Variants in DENND2B observed in about 807,000 individuals in gnomAD.
DENND2B encodes DENN domain containing 2B.
Under a neutral mutation model 116.0 loss-of-function variants are expected in DENND2B, and 32 were observed. The ratio of observed to expected loss-of-function variants is 0.28; its 90% confidence interval spans 0.21 to 0.37. The LOEUF (loss-of-function observed/expected upper bound fraction) is 0.37. DENND2B is among the 10% of genes least tolerant of loss of function. The pLI is 1.00. For synonymous variants in DENND2B, 588 were observed against 583.9 expected, an observed-to-expected ratio of 1.01 and a Z score of -0.10; for missense variants, 1,276 against 1,477.7, an observed-to-expected ratio of 0.86 and a Z score of 2.24.
At chr11:8,735,834 C>T (rs896715562) in intron 2 of DENND2B, among the ~76,000 whole-genome samples, 1 of 152,208 alleles carries the variant, frequency 6.6e-6, no homozygotes, top group Non-Finnish European at 1.5e-5. Context: ...ATGTCTAGAT[C>T]CTCGTGACAA....
intron 1 of DENND2B, chr11:8,757,266 T>TA (rs2053778044): frequency 2.8e-6 from 1 of 360,764 alleles, no homozygotes; most frequent in African/African-American, 2.1e-5. Context: ...AATAGAAGCT[T>TA]AAAAAATGTT....
intron 4 of DENND2B, among the ~76,000 whole-genome samples, chr11:8,837,599 G>C (rs1486468266): frequency 6.6e-6 from 1 of 152,156 alleles, no homozygotes. Context: ...GCCCACCTCA[G>C]CCTCCGAAAG....
chr11:8,896,265 T>C (rs1382132161), intron 1 of DENND2B, among the ~76,000 whole-genome samples: 1 of 151,844 alleles, frequency 6.6e-6, no homozygotes, highest in African/African-American at 2.4e-5. Context: ...ATGGAACAAA[T>C]AAATAAATAT....
At position 8,715,569 on chromosome 11, in the gene DENND2B, CCCGGCTCCAGTGGGCTG is replaced by C. The variant is rs2044598222; in HGVS notation, c.1845+17_1845+33del. 1 of 1,605,676 alleles carries C rather than the reference CCCGGCTCCAGTGGGCTG, an allele frequency of 6.2e-7. No homozygotes were observed. The highest frequency in any genetic ancestry group is 1.7e-5 in the Admixed American group (1 of 59,542). On this transcript the variant is annotated intron_variant, in intron 6 of 19. Coordinates refer to ENST00000313726, the MANE Select transcript of DENND2B (RefSeq NM_213618.2). ...GGCTGGCTGCCTGCCCGCCCACCTG[CCCGGCTCCAGTGGGCTG>C]CCTCTGGGGAGGGTACCTTGGGAAT...
At chr11:8,721,079 C>G (rs535403217) in intron 4 of DENND2B, among the ~76,000 whole-genome samples, 1 of 152,236 alleles carries the variant, frequency 6.6e-6, no homozygotes, top group African/African-American at 2.4e-5. Flanking sequence ...TCAGCAAGCC[C>G]AGCTGGAGAA....
intron 3 of DENND2B, among the ~76,000 whole-genome samples, chr11:8,844,590 T>G (rs1366917949): frequency 1.3e-5 from 2 of 152,046 alleles, no homozygotes; most frequent in Non-Finnish European, 2.9e-5. Context: ...TTTTCAGAAT[T>G]TTATCCTAAT....
chr11:8,880,466 A>G (rs2063893041), intron 2 of DENND2B, among the ~76,000 whole-genome samples: 1 of 152,116 alleles, frequency 6.6e-6, no homozygotes, highest in Non-Finnish European at 1.5e-5. Context: ...AATACTGTGA[A>G]GAAATAAATC....
chr11:8,895,602 A>T (rs1337682131), intron 1 of DENND2B: 1 of 152,186 alleles, frequency 6.6e-6, no homozygotes, highest in African/African-American at 2.4e-5. Context: ...GGAAGAATAG[A>T]CAATTATTGT....
intron 14 of DENND2B, 90 bp from the exon 15 acceptor site, chr11:8,699,480 C>G: frequency 7.5e-7 from 1 of 1,325,818 alleles, no homozygotes; most frequent in Non-Finnish European, 1.0e-6. Flanking sequence ...TGATCGTAAA[C>G]CTCCCAGTGC....
chr11:8,806,605 A>AACACACACACACACACACAC (rs71059180), intron 1 of DENND2B, among the ~76,000 whole-genome samples: 19,538 of 118,246 alleles, frequency 0.17, 1,962 homozygotes, highest in Admixed American at 0.19. Flanking sequence ...CTCCCTTCAA[A>AACACACACACACACACACAC]ACACACACAC....
chr11:8,876,275 A>C (rs1238846766), upstream of DENND2B, among the ~76,000 whole-genome samples: 5 of 152,078 alleles, frequency 3.3e-5, no homozygotes, highest in African/African-American at 7.2e-5. Context: ...GGTAAATCTC[A>C]TTTGGATTTC....
intron 1 of DENND2B, among the ~76,000 whole-genome samples, chr11:8,754,226 A>G (rs564206701): frequency 2.3e-4 from 35 of 152,336 alleles, no homozygotes; most frequent in African/African-American, 7.9e-4. Flanking sequence ...TTTCAACTCA[A>G]TAATAAAAAA....
intron 2 of DENND2B, among the ~76,000 whole-genome samples, chr11:8,739,666 C>T (rs1034821184): frequency 1.3e-5 from 2 of 152,208 alleles, no homozygotes; most frequent in Admixed American, 6.5e-5. Flanking sequence ...TTCTGCTGCT[C>T]AACACAGGCA....
chr11:8,829,636 T>C (rs2062125592), intron 4 of DENND2B, among the ~76,000 whole-genome samples: 1 of 152,168 alleles, frequency 6.6e-6, no homozygotes, highest in South Asian at 2.1e-4. Flanking sequence ...GTTTATCACC[T>C]AATGTTATCC....
intron 14 of DENND2B, chr11:8,699,922 A>G (rs1323628023): frequency 6.6e-6 from 3 of 456,220 alleles, no homozygotes; most frequent in Admixed American, 2.3e-5. Context: ...CCAAGACCCC[A>G]GATTGGCAGA....
chr11:8,842,257 TAAG>T (rs2062650590), intron 3 of DENND2B, among the ~76,000 whole-genome samples: 1 of 152,164 alleles, frequency 6.6e-6, no homozygotes. Flanking sequence ...ATACTGATAT[TAAG>T]AAGACATTGT....
rs1166171549 is a variant in DENND2B at position 8,717,551 on chromosome 11, A to G, written c.1629+190T>C. ...ACATGGTGGACATCCTTGAGTGCAC[A>G]GTCCTTTGCTGAGGAGACCTCCTTT... On this transcript the variant is annotated intron_variant, in intron 5 of 19. Coordinates refer to ENST00000313726, the MANE Select transcript of DENND2B (RefSeq NM_213618.2). Among the ~76,000 whole-genome samples the G allele has an allele frequency of 2.6e-5, 4 of 152,324 alleles. No individual in the cohort carries two copies. The Middle Eastern group carries it at 0.01, about 389-fold the overall frequency.
chr11:8,774,004 G>A, intron 1 of DENND2B: 1 of 571,762 alleles, frequency 1.7e-6, no homozygotes, highest in Non-Finnish European at 2.2e-6. Context: ...TGAAGCTTTG[G>A]ATGTGTTGCC....
chr11:8,714,584 G>T, intron 7 of DENND2B, 26 bp downstream of exon 7: 1 of 1,602,238 alleles, frequency 6.2e-7, no homozygotes, highest in South Asian at 1.1e-5. Context: ...CCAAACAGCT[G>T]AACCAGCTCT....
Sources: gnomAD v4.1 joint callset for allele counts (sites outside exome capture counted in the v4.1 genomes callset) on GRCh38, gnomAD v4.1.1 for gene constraint, MANE v1.5 for transcripts, NCBI Gene and HGNC (gene_info 2026-07-23, HGNC 2026-07-21) for gene names.